CPVL: variants seen among roughly 807,000 people sequenced by gnomAD.
The protein encoded by CPVL is carboxypeptidase vitellogenic like.
CPVL carries 51 observed loss-of-function variants against 63.7 expected under a neutral mutation model. The observed-to-expected ratio is 0.80, with a 90% CI of 0.64 to 1.01. The LOEUF (loss-of-function observed/expected upper bound fraction) is 1.01, where lower values mean the gene tolerates loss of function less well. CPVL is among the 50% of genes least tolerant of loss of function. The probability of loss-of-function intolerance (pLI) is 0.00; values close to 1 mark genes in which losing one functional copy is unlikely to be tolerated. For missense variants in CPVL, 530 were observed against 573.1 expected, an observed-to-expected ratio of 0.92 and a Z score of 0.77; for synonymous variants, 195 against 206.0, an observed-to-expected ratio of 0.95 and a Z score of 0.46.
At chr7:29,171,397 G>T (rs777506271) in intron 5 of CPVL, among the ~76,000 whole-genome samples, 14 of 152,106 alleles carry the variant, frequency 9.2e-5, no homozygotes, top group Non-Finnish European at 1.6e-4. Flanking sequence ...AATAAACAAC[G>T]GCATTAGCCA....
chr7:29,177,746 TTTAC>T (rs1797555057), intron 5 of CPVL, among the ~76,000 whole-genome samples: 1 of 152,092 alleles, frequency 6.6e-6, no homozygotes, highest in East Asian at 1.9e-4. Flanking sequence ...CCCAACCCTC[TTTAC>T]TTCTAAACAC....
intron 7 of CPVL, chr7:29,082,376 G>A (rs1408904328): frequency 2.6e-5 from 4 of 152,308 alleles, no homozygotes; most frequent in African/African-American, 9.6e-5. Flanking sequence ...CATCCAGGGA[G>A]GAGCAAAGCC....
At chr7:29,093,830 G>A (rs1786108457) in intron 5 of CPVL, among the ~76,000 whole-genome samples, 1 of 152,188 alleles carries the variant, frequency 6.6e-6, no homozygotes, top group Non-Finnish European at 1.5e-5. Context: ...GAAAGAGCAT[G>A]TTGACATTTT....
At chr7:29,134,942 A>C (rs891192616) in intron 1 of CPVL, among the ~76,000 whole-genome samples, 1 of 152,078 alleles carries the variant, frequency 6.6e-6, no homozygotes, top group African/African-American at 2.4e-5. Flanking sequence ...TCTACAAAAA[A>C]GGTTTAAAAA....
chr7:29,163,050 T>C (rs955221092), intron 5 of CPVL, among the ~76,000 whole-genome samples: 14 of 152,238 alleles, frequency 9.2e-5, no homozygotes, highest in African/African-American at 3.4e-4. Flanking sequence ...ACTATAGTTA[T>C]GTAAAACGTT....
At chr7:29,123,174 G>A (rs1042183298) in intron 1 of CPVL, among the ~76,000 whole-genome samples, 25 of 152,042 alleles carry the variant, frequency 1.6e-4, no homozygotes, top group Non-Finnish European at 2.9e-4. Context: ...ATCTTTTAAC[G>A]ACATGCTTAT....
intron 4 of CPVL, among the ~76,000 whole-genome samples, chr7:29,181,993 TTAAA>T (rs1333050927): frequency 6.6e-6 from 1 of 152,228 alleles, no homozygotes; most frequent in Non-Finnish European, 1.5e-5. Context: ...GCAAAACATC[TTAAA>T]TAACATAAAT....
intron 7 of CPVL, among the ~76,000 whole-genome samples, chr7:29,077,592 T>TA (rs1028066757): frequency 9.9e-5 from 15 of 151,848 alleles, no homozygotes; most frequent in South Asian, 2.1e-4. Flanking sequence ...TACACAGAAC[T>TA]AAAAAAAATC....
At chr7:29,135,016 T>A (rs559929290) in intron 1 of CPVL, among the ~76,000 whole-genome samples, 105 of 149,834 alleles carry the variant, frequency 7.0e-4, no homozygotes, top group African/African-American at 2.5e-3. Context: ...AGTGGGAGGA[T>A]CACTTGGGCC....
intron 7 of CPVL, among the ~76,000 whole-genome samples, chr7:29,073,249 A>AT (rs1181120152): frequency 6.6e-6 from 1 of 152,074 alleles, no homozygotes; most frequent in African/African-American, 2.4e-5. Context: ...GCCATTCGTT[A>AT]TATCTCTCTT....
At chr7:29,179,459 A>G (rs1037990182) in intron 5 of CPVL, among the ~76,000 whole-genome samples, 2 of 152,104 alleles carry the variant, frequency 1.3e-5, no homozygotes, top group African/African-American at 4.8e-5. Flanking sequence ...TTTTTTGACC[A>G]CTCTCAGATG....
intron 12 of CPVL, among the ~76,000 whole-genome samples, chr7:29,000,658 G>A (rs1403609690): frequency 6.6e-6 from 1 of 152,184 alleles, no homozygotes; most frequent in Non-Finnish European, 1.5e-5. Flanking sequence ...GACATGCTGG[G>A]ATGAGTGGAC....
chr7:29,122,399 G>A (rs1256467501), intron 1 of CPVL: 2 of 152,340 alleles, frequency 1.3e-5, no homozygotes, highest in East Asian at 3.9e-4. Flanking sequence ...AGACAGGCCA[G>A]GGTGATCAGA....
chr7:29,096,528 G>A (rs1786417167), intron 3 of CPVL: 2 of 415,254 alleles, frequency 4.8e-6, no homozygotes, highest in Admixed American at 3.6e-5. Context: ...CTAGCATACT[G>A]CCTGGGGCAT....
chr7:29,041,125 G>GA (rs1554331424), intron 11 of CPVL, among the ~76,000 whole-genome samples: 3 of 125,640 alleles, frequency 2.4e-5, no homozygotes, highest in Admixed American at 7.7e-5. Flanking sequence ...TCAATAACTG[G>GA]ATTTTTTTTT....
intron 1 of CPVL, among the ~76,000 whole-genome samples, chr7:29,139,835 G>GAAAAC (rs760591749): frequency 6.6e-6 from 1 of 152,102 alleles, no homozygotes; most frequent in Non-Finnish European, 1.5e-5. Context: ...TAGAAGGGGA[G>GAAAAC]AAAACAAAAC....
rs1783985142 is a variant in CPVL at position 28,995,702 on chromosome 7, G to A, written c.*70C>T. 1.1e-6 allele frequency: 1 copy of A among 894,176 alleles called. No individual in the cohort carries two copies. Among genetic ancestry groups the A allele is most frequent in the East Asian group, 2.6e-5 (1 of 38,036 alleles). The allele number at this position is 894,176 out of a possible 1,614,324, so 55.4% of individuals were successfully genotyped here. ...GAAAAGATAATTTTTTTATTCCTAT[G>A]ACATTTTCTGTTTTTACGATTTTCT... On this transcript the variant is annotated 3_prime_UTR_variant, in exon 13 of 13. Coordinates refer to ENST00000265394, the MANE Select transcript of CPVL (RefSeq NM_031311.5).
intron 1 of CPVL, among the ~76,000 whole-genome samples, chr7:29,188,015 C>G (rs920466965): frequency 6.6e-6 from 1 of 152,186 alleles, no homozygotes; most frequent in Non-Finnish European, 1.5e-5. Flanking sequence ...AAGCCCAGGC[C>G]TGGCTCCTAT....
chr7:29,130,010 C>T (rs751396803), intron 1 of CPVL, among the ~76,000 whole-genome samples: 10 of 152,188 alleles, frequency 6.6e-5, no homozygotes, highest in Non-Finnish European at 1.5e-4. Flanking sequence ...CTACAGGTTT[C>T]AGGAGGAGCA....
Sources: gnomAD v4.1 joint callset for allele counts (sites outside exome capture counted in the v4.1 genomes callset) on GRCh38, gnomAD v4.1.1 for gene constraint, MANE v1.5 for transcripts, NCBI Gene and HGNC (gene_info 2026-07-23, HGNC 2026-07-21) for gene names.